Variants in TMTC1 observed in about 807,000 individuals in gnomAD.
TMTC1 encodes protein O-mannosyl-transferase TMTC1.
In TMTC1, 73 loss-of-function variants were observed where a neutral mutation model predicts 104.8. The observed-to-expected ratio is 0.70, with a 90% CI of 0.58 to 0.85. The LOEUF is 0.85. TMTC1 is among the 40% of genes least tolerant of loss of function. The probability of loss-of-function intolerance (pLI) is 0.00; values close to 1 mark genes in which losing one functional copy is unlikely to be tolerated. For synonymous variants in TMTC1, 434 were observed against 428.7 expected, an observed-to-expected ratio of 1.01 and a Z score of -0.15; for missense variants, 1,035 against 1,096.1, an observed-to-expected ratio of 0.94 and a Z score of 0.79.
intron 5 of TMTC1, among the ~76,000 whole-genome samples, chr12:29,737,875 T>C (rs1050279549): frequency 7.9e-5 from 12 of 152,308 alleles, no homozygotes; most frequent in South Asian, 2.1e-4. Context: ...TGGCTTACAA[T>C]AGGCATTCCA....
chr12:29,514,429 CAATT>C, intron 16 of TMTC1, 49 bp downstream of exon 16: 1 of 1,552,446 alleles, frequency 6.4e-7, no homozygotes, highest in Non-Finnish European at 8.8e-7. Flanking sequence ...GATCAAAAGA[CAATT>C]AATTTTAATC....
intron 17 of TMTC1, among the ~76,000 whole-genome samples, chr12:29,510,814 A>G (rs576973128): frequency 6.6e-6 from 1 of 152,326 alleles, no homozygotes; most frequent in East Asian, 1.9e-4. Flanking sequence ...TTCTCTGCTC[A>G]AAGTCCTCCA....
At chr12:29,616,411 C>T (rs948733452) in intron 6 of TMTC1, among the ~76,000 whole-genome samples, 3 of 152,154 alleles carry the variant, frequency 2.0e-5, no homozygotes, top group African/African-American at 7.2e-5. Flanking sequence ...GTGGCTCACA[C>T]CTGTAATCCC....
chr12:29,695,514 C>T (rs1391044354), intron 5 of TMTC1, among the ~76,000 whole-genome samples: 1 of 151,706 alleles, frequency 6.6e-6, no homozygotes. Flanking sequence ...ACCATGTTGG[C>T]CAGGATGGTC....
intron 12 of TMTC1, 127 bp from the exon 13 acceptor site, chr12:29,518,734 T>C (rs12297667): frequency 8.3e-7 from 1 of 1,209,602 alleles, no homozygotes. Flanking sequence ...TTATTCAATA[T>C]GCAAATTAGC....
intron 17 of TMTC1, among the ~76,000 whole-genome samples, chr12:29,510,398 G>A (rs980282573): frequency 2.0e-5 from 3 of 152,134 alleles, no homozygotes; most frequent in African/African-American, 7.2e-5. Context: ...ATTTGAAAAT[G>A]TAACTATTTA....
At chr12:29,608,361 T>C (rs1193839526) in intron 6 of TMTC1, among the ~76,000 whole-genome samples, 1 of 152,188 alleles carries the variant, frequency 6.6e-6, no homozygotes, top group East Asian at 1.9e-4. Flanking sequence ...AGGAAATTCA[T>C]GGTATTTTCC....
intron 5 of TMTC1, among the ~76,000 whole-genome samples, chr12:29,749,808 C>T (rs1943044307): frequency 6.6e-6 from 1 of 152,034 alleles, no homozygotes; most frequent in Admixed American, 6.6e-5. Flanking sequence ...TCCTTGTTTC[C>T]TTCCTTTCCC....
intron 5 of TMTC1, among the ~76,000 whole-genome samples, chr12:29,750,177 C>G (rs967689805): frequency 6.6e-6 from 1 of 152,012 alleles, no homozygotes; most frequent in Admixed American, 6.5e-5. Flanking sequence ...CTGTGCCCTG[C>G]CCCCTCCTTG....
intron 11 of TMTC1, among the ~76,000 whole-genome samples, chr12:29,524,413 G>A (rs1408503924): frequency 6.6e-6 from 1 of 151,984 alleles, no homozygotes; most frequent in East Asian, 1.9e-4. Context: ...GTCAGTAATG[G>A]TACAGATTTT....
chr12:29,720,306 G>C (rs2136878143), intron 5 of TMTC1, among the ~76,000 whole-genome samples: 1 of 152,308 alleles, frequency 6.6e-6, no homozygotes, highest in South Asian at 2.1e-4. Flanking sequence ...AGGGAGCTGA[G>C]CACATCTGCA....
At chr12:29,602,498 A>G (rs1369856781) in intron 7 of TMTC1, among the ~76,000 whole-genome samples, 1 of 152,146 alleles carries the variant, frequency 6.6e-6, no homozygotes, top group Non-Finnish European at 1.5e-5. Context: ...TACTATTTCC[A>G]TTTTATGCAG....
At chr12:29,780,363 G>C (rs1234467763) in intron 1 of TMTC1, among the ~76,000 whole-genome samples, 1 of 152,208 alleles carries the variant, frequency 6.6e-6, no homozygotes. Flanking sequence ...TGAAGATCCA[G>C]AGACATGCTG....
chr12:29,560,446 A>G (rs1389865864), intron 9 of TMTC1, among the ~76,000 whole-genome samples: 4 of 152,154 alleles, frequency 2.6e-5, no homozygotes, highest in African/African-American at 9.7e-5. Context: ...AAATAAGCTT[A>G]TTATTTCCTC....
intron 10 of TMTC1, among the ~76,000 whole-genome samples, chr12:29,543,949 T>C (rs1026837876): frequency 6.6e-6 from 1 of 152,056 alleles, no homozygotes; most frequent in African/African-American, 2.4e-5. Flanking sequence ...AAAAGAATTT[T>C]AAAAAATATT....
At chr12:29,644,065 T>A (rs867720057) in intron 5 of TMTC1, among the ~76,000 whole-genome samples, 5 of 23,466 alleles carry the variant, frequency 2.1e-4, no homozygotes, top group African/African-American at 6.7e-4. Context: ...TATAAATATA[T>A]AATTTATAGA....
At chr12:29,687,471 G>A (rs1169888897) in intron 5 of TMTC1, among the ~76,000 whole-genome samples, 4 of 152,174 alleles carry the variant, frequency 2.6e-5, no homozygotes, top group African/African-American at 4.8e-5. Context: ...CAAATTAAAC[G>A]AGACTAAGAG....
chr12:29,608,355 A>T (rs1359811910), intron 6 of TMTC1, among the ~76,000 whole-genome samples: 1 of 152,194 alleles, frequency 6.6e-6, no homozygotes, highest in African/African-American at 2.4e-5. Context: ...AAAAAGAGGA[A>T]ATTCATGGTA....
Position 29,724,430 on chromosome 12 carries a change from T to C in TMTC1, c.938+27236A>G, listed in dbSNP as rs115581006. Among the ~76,000 whole-genome samples, 1,003 of 152,262 alleles carry C rather than the reference T, an allele frequency of 6.6e-3. 10 individuals carry two copies. Among genetic ancestry groups the C allele is most frequent in the African/African-American group, 0.023 (964 of 41,536 alleles). On this transcript the variant is annotated intron_variant, in intron 5 of 17. Transcript: ENST00000539277. ...CAACCTAAGGAAATCCATGTACATA[T>C]ATATGAGAAATGTAAAGAATGTTCA...
Sources: gnomAD v4.1 joint callset for allele counts (sites outside exome capture counted in the v4.1 genomes callset) on GRCh38, gnomAD v4.1.1 for gene constraint, MANE v1.5 for transcripts, NCBI Gene and HGNC (gene_info 2026-07-23, HGNC 2026-07-21) for gene names.